Variants in GRID2 observed in about 807,000 individuals in gnomAD.
GRID2 encodes the protein glutamate ionotropic receptor delta type subunit 2.
Under a neutral mutation model 114.8 loss-of-function variants are expected in GRID2, and 33 were observed. The ratio of observed to expected loss-of-function variants is 0.29; its 90% CI spans 0.22 to 0.38. GRID2 has a LOEUF of 0.38. GRID2 is among the 10% of genes least tolerant of loss of function. GRID2 has a pLI of 1.00. For missense variants in GRID2, 1,184 were observed against 1,257.7 expected (o/e 0.94, Z 0.89); for synonymous variants, 505 against 449.9 (o/e 1.12, Z -1.55).
intron 1 of GRID2, among the ~76,000 whole-genome samples, chr4:92,469,985 TAA>T (rs1250872814): frequency 1.3e-5 from 2 of 151,970 alleles, no homozygotes; most frequent in Non-Finnish European, 2.9e-5. Flanking sequence ...TTGTAGTCTA[TAA>T]GTTATCCTAT....
chr4:93,133,447 A>C (rs925259010), intron 4 of GRID2, among the ~76,000 whole-genome samples: 26 of 152,194 alleles, frequency 1.7e-4, no homozygotes, highest in African/African-American at 4.6e-4. Context: ...TGAACTCATT[A>C]CTATCTTACT....
chr4:93,688,482 G>T (rs890554495), intron 14 of GRID2, among the ~76,000 whole-genome samples: 2 of 151,862 alleles, frequency 1.3e-5, no homozygotes, highest in African/African-American at 2.4e-5. Context: ...TTTTCAAAAG[G>T]TAAAACCATT....
At chr4:93,799,466 A>G (rs551925288) in intron 1 of GRID2, among the ~76,000 whole-genome samples, 1 of 152,000 alleles carries the variant, frequency 6.6e-6, no homozygotes, top group South Asian at 2.1e-4. Flanking sequence ...AAATCTTTAG[A>G]TTATATCTAC....
chr4:92,412,447 A>C (rs1482389064), intron 1 of GRID2, among the ~76,000 whole-genome samples: 1 of 152,076 alleles, frequency 6.6e-6, no homozygotes, highest in Non-Finnish European at 1.5e-5. Context: ...TAAGAGGACA[A>C]CATTTATATT....
At chr4:93,397,936 A>G (rs1160009726) in intron 9 of GRID2, among the ~76,000 whole-genome samples, 1 of 151,322 alleles carries the variant, frequency 6.6e-6, no homozygotes, top group Non-Finnish European at 1.5e-5. Flanking sequence ...TGTTGAATCT[A>G]TGGAGTTGAG....
intron 2 of GRID2, among the ~76,000 whole-genome samples, chr4:92,900,694 C>T (rs375891988): frequency 6.6e-6 from 1 of 152,114 alleles, no homozygotes; most frequent in African/African-American, 2.4e-5. Flanking sequence ...ATTATCCAGG[C>T]GTGGTGGCAT....
intron 2 of GRID2, chr4:92,833,587 C>T (rs1008715540): frequency 6.6e-6 from 1 of 152,068 alleles, no homozygotes; most frequent in Non-Finnish European, 1.5e-5. Context: ...AAGTTTTTAC[C>T]ATCACATAAA....
intron 1 of GRID2, among the ~76,000 whole-genome samples, chr4:92,529,530 A>C (rs1397860670): frequency 1.3e-5 from 2 of 152,096 alleles, no homozygotes; most frequent in Non-Finnish European, 2.9e-5. Context: ...TATCAGGTAC[A>C]AAGACATGTG....
chr4:93,652,868 T>C (rs923685357), intron 14 of GRID2, among the ~76,000 whole-genome samples: 1 of 146,246 alleles, frequency 6.8e-6, no homozygotes, highest in African/African-American at 2.5e-5. Context: ...GGAATATTAA[T>C]CAGGAAGTGG....
chr4:92,448,783 AAC>A (rs1295534258), intron 1 of GRID2, among the ~76,000 whole-genome samples: 21 of 152,126 alleles, frequency 1.4e-4, no homozygotes, highest in African/African-American at 4.8e-4. Context: ...AAAAAGCATA[AAC>A]ACATTTAAAT....
In GRID2 at chr4:92,514,599, T is replaced by A. The variant is rs530973082; in HGVS notation, c.89-75532T>A. The stretch of plus-strand genomic sequence containing the variant: ...ATGTGTCCTCACTGACTTCACAAGT[T>A]TTCACAATGAAGAATGATCATATAA... On this transcript the variant is annotated intron_variant, in intron 1 of 15. Coordinates refer to ENST00000282020, the MANE Select transcript of GRID2 (RefSeq NM_001510.4). Among the ~76,000 whole-genome samples, 103 of 151,918 alleles carry A rather than the reference T, an allele frequency of 6.8e-4. 1 individual carries two copies. Among genetic ancestry groups the A allele is most frequent in the Non-Finnish European group, 1.0e-4 (7 of 67,912 alleles).
chr4:92,496,833 G>T (rs1053472237), intron 1 of GRID2, among the ~76,000 whole-genome samples: 19 of 151,496 alleles, frequency 1.3e-4, no homozygotes, highest in Admixed American at 6.6e-5. Context: ...AGACATGTTT[G>T]TTAAAAGATC....
intron 1 of GRID2, among the ~76,000 whole-genome samples, chr4:92,494,013 T>G (rs1325954973): frequency 6.6e-6 from 1 of 152,142 alleles, no homozygotes; most frequent in Non-Finnish European, 1.5e-5. Flanking sequence ...CTTCAGCTAT[T>G]TAACTATTAT....
At chr4:93,592,177 T>A (rs1306008993) in intron 13 of GRID2, among the ~76,000 whole-genome samples, 5 of 152,174 alleles carry the variant, frequency 3.3e-5, no homozygotes, top group African/African-American at 1.2e-4. Flanking sequence ...CTTTCCGGCT[T>A]TCTCTTGTGG....
At chr4:93,180,002 A>G (rs1739731621) in intron 4 of GRID2, among the ~76,000 whole-genome samples, 1 of 152,106 alleles carries the variant, frequency 6.6e-6, no homozygotes, top group African/African-American at 2.4e-5. Context: ...AAGTTCTCTC[A>G]TTACTGAACT....
chr4:92,908,890 CT>C (rs1748163590), intron 2 of GRID2, among the ~76,000 whole-genome samples: 1 of 152,126 alleles, frequency 6.6e-6, no homozygotes, highest in Admixed American at 6.6e-5. Context: ...GTCCTTATAT[CT>C]TCATCAATTG....
intron 1 of GRID2, among the ~76,000 whole-genome samples, chr4:92,586,755 T>G (rs567423068): frequency 5.5e-4 from 84 of 152,062 alleles, no homozygotes; most frequent in African/African-American, 1.9e-3. Flanking sequence ...TGCTAATTGG[T>G]CCATTAGTCC....
chr4:92,378,714 G>A (rs180733616), intron 1 of GRID2, among the ~76,000 whole-genome samples: 9 of 151,984 alleles, frequency 5.9e-5, no homozygotes, highest in Non-Finnish European at 4.4e-5. Flanking sequence ...ATCAAGTTGA[G>A]CTATTATTCA....
At chr4:92,555,503 A>T (rs1726807671) in intron 1 of GRID2, among the ~76,000 whole-genome samples, 1 of 152,272 alleles carries the variant, frequency 6.6e-6, no homozygotes, top group African/African-American at 2.4e-5. Flanking sequence ...TGGAAGGAAG[A>T]GATGGTGAGA....
Sources: gnomAD v4.1 joint callset for allele counts (sites outside exome capture counted in the v4.1 genomes callset) on GRCh38, gnomAD v4.1.1 for gene constraint, MANE v1.5 for transcripts, NCBI Gene and HGNC (gene_info 2026-07-23, HGNC 2026-07-21) for gene names.